EXO1: variants seen among roughly 807,000 people sequenced by gnomAD.
EXO1 encodes the protein exonuclease 1.
A neutral mutation model predicts 84.5 loss-of-function variants in EXO1; 69 were observed. The ratio of observed to expected loss-of-function variants is 0.82; its 90% CI spans 0.67 to 1.00. The LOEUF (loss-of-function observed/expected upper bound fraction) is 1.00, where lower values mean the gene tolerates loss of function less well. Among genes scored for constraint, EXO1 ranks in the 50% least tolerant of loss-of-function variants. The pLI is 0.00. For missense variants in EXO1, 1,045 were observed against 1,000.7 expected (o/e 1.04, Z -0.60); for synonymous variants, 373 against 366.1 (o/e 1.02, Z -0.21).
At chr1:241,864,685 CAA>C (rs934764408) in intron 10 of EXO1, among the ~76,000 whole-genome samples, 9 of 152,158 alleles carry the variant, frequency 5.9e-5, no homozygotes, top group African/African-American at 2.2e-4. Flanking sequence ...CTTCTGCAGA[CAA>C]AGTCTTTTAA....
In EXO1 at chr1:241,879,119, G is replaced by A. The variant is rs1394476144; in HGVS notation, c.1885G>A (p.Ala629Thr). The A allele has an allele frequency of 1.9e-6, 3 of 1,612,592 alleles. No individual in the cohort carries two copies. The South Asian group carries it at 3.3e-5, about 18-fold the overall frequency. ...AACGCCGAGCCCCTCTCCAAGCACA[G>A]CATTGCAGCAGTTCCGAAGAAAGAG... ...SRTPSPSPST[A>T]LQQFRRKSDS... The change falls in exon 13 of 16, where the codon GCA becomes ACA. Residue 629 changes from alanine to threonine, a missense_variant. Coordinates refer to ENST00000366548, the MANE Select transcript of EXO1 (RefSeq NM_130398.4).
At position 241,875,865 on chromosome 1, in the gene EXO1, G is replaced by A. The variant is rs145511086; in HGVS notation, c.1515-2884G>A. 2.4e-3 allele frequency among the ~76,000 whole-genome samples: 370 copies of A among 152,300 alleles called. 1 individual carries two copies. Among genetic ancestry groups the A allele is most frequent in the African/African-American group, 8.4e-3 (350 of 41,562 alleles). ...TGCACTCCAGCCTGGGTGACAAAGC[G>A]AGACTTCGTCTCAAAAAAAGAAAAA... On this transcript the variant is annotated intron_variant, in intron 12 of 15. Coordinates refer to ENST00000366548, the MANE Select transcript of EXO1 (RefSeq NM_130398.4).
In EXO1 at chr1:241,857,454, C is replaced by G; in HGVS notation, c.515C>G (p.Ser172Trp). The change falls in exon 7 of 16, where the codon TCG (serine) becomes TGG (tryptophan). Residue 172 changes from serine to tryptophan, a missense_variant. Transcript: ENST00000366548. ...GIVQAIITED[S>W]DLLAFGCKKV... ...GTGCAAGCCATAATTACAGAGGACTCGGATCTCCTAGCTTTTGGCTGTAAA... is the reference window on the plus strand; with the variant it reads ...GTGCAAGCCATAATTACAGAGGACTGGGATCTCCTAGCTTTTGGCTGTAAA... 2 of 1,613,856 alleles carry G rather than the reference C, an allele frequency of 1.2e-6. No individual in the cohort carries two copies. Among genetic ancestry groups the G allele is most frequent in the South Asian group, 1.1e-5 (1 of 91,072 alleles).
At chr1:241,855,690 C>G (rs927754113) in intron 6 of EXO1, among the ~76,000 whole-genome samples, 4 of 152,220 alleles carry the variant, frequency 2.6e-5, no homozygotes, top group Non-Finnish European at 4.4e-5. Context: ...GTGGGAGGCT[C>G]AGGCATGGCG....
At chr1:241,854,311 A>G (rs1660836587) in intron 6 of EXO1, among the ~76,000 whole-genome samples, 1 of 152,008 alleles carries the variant, frequency 6.6e-6, no homozygotes, top group African/African-American at 2.4e-5. Context: ...CTACTTTTGT[A>G]TTTTTAGTAG....
chr1:241,856,995 G>C (rs1661086180), intron 6 of EXO1, among the ~76,000 whole-genome samples: 1 of 152,198 alleles, frequency 6.6e-6, no homozygotes. Context: ...TGCCCTGCCG[G>C]CTGGCACCAC....
chr1:241,856,648 T>C (rs984640718), intron 6 of EXO1, among the ~76,000 whole-genome samples: 1 of 152,214 alleles, frequency 6.6e-6, no homozygotes, highest in Non-Finnish European at 1.5e-5. Flanking sequence ...GACAACCTGT[T>C]ATTTTTATGG....
intron 12 of EXO1, 119 bp from the exon 13 acceptor site, chr1:241,878,630 T>A (rs1662545790): frequency 1.5e-6 from 1 of 652,546 alleles, no homozygotes; most frequent in South Asian, 2.0e-5. Flanking sequence ...TATGAAATTA[T>A]ATATTTATGA....
At chr1:241,880,105 T>C (rs1251713862) in intron 13 of EXO1, among the ~76,000 whole-genome samples, 1 of 152,138 alleles carries the variant, frequency 6.6e-6, no homozygotes, top group African/African-American at 2.4e-5. Context: ...TATATTTTCA[T>C]TTACTCTTCT....
At chr1:241,884,265 T>C (rs1344676304) in intron 14 of EXO1, among the ~76,000 whole-genome samples, 1 of 152,198 alleles carries the variant, frequency 6.6e-6, no homozygotes, top group Non-Finnish European at 1.5e-5. Flanking sequence ...TCACAACACA[T>C]ATTTAAGGAT....
chr1:241,867,491 A>G (rs890372819), intron 11 of EXO1, among the ~76,000 whole-genome samples: 1 of 152,230 alleles, frequency 6.6e-6, no homozygotes. Context: ...ATACAATTCA[A>G]GATGAGATTT....
chr1:241,854,403 C>T (rs1279585107), intron 6 of EXO1, among the ~76,000 whole-genome samples: 2 of 152,132 alleles, frequency 1.3e-5, no homozygotes, highest in Non-Finnish European at 1.5e-5. Flanking sequence ...TCCCAAAGTG[C>T]TCGGATTACA....
At position 241,857,347 on chromosome 1, in the gene EXO1, T is replaced by C. The variant is rs376077603; in HGVS notation, c.408T>C (p.Ala136=). The change falls in exon 7 of 16, where the codon GCT becomes GCC. Residue 136 remains alanine, a splice_region_variant and synonymous_variant. Transcript: ENST00000366548. ...TTCACTGTGATTCTCTCTTCTAGGCTGCCCGGTCTCAGGGGGTAGATTGCC... is the reference window on the plus strand; with the variant it reads ...TTCACTGTGATTCTCTCTTCTAGGCCGCCCGGTCTCAGGGGGTAGATTGCC... The part of the protein sequence containing the change: ...THAMAHKVIK[A]ARSQGVDCLV... 25 of 1,612,904 alleles carry C rather than the reference T, an allele frequency of 1.6e-5. No homozygotes were observed. The highest frequency in any genetic ancestry group is 2.0e-5 in the Non-Finnish European group (24 of 1,179,426).
At chr1:241,849,824 G>A (rs1169787907) in intron 3 of EXO1, among the ~76,000 whole-genome samples, 1 of 152,188 alleles carries the variant, frequency 6.6e-6, no homozygotes, top group East Asian at 1.9e-4. Flanking sequence ...CATGTGTCAG[G>A]AGTGAAAGTG....
At chr1:241,878,577 C>A (rs1348092878) in intron 12 of EXO1, among the ~76,000 whole-genome samples, 172 bp from the exon 13 acceptor site, 2 of 151,344 alleles carry the variant, frequency 1.3e-5, no homozygotes, top group Non-Finnish European at 1.5e-5. Context: ...TTGGCATAAT[C>A]AAAATTTGAA....
chr1:241,874,455 G>T (rs1223191217), intron 12 of EXO1, among the ~76,000 whole-genome samples: 1 of 152,182 alleles, frequency 6.6e-6, no homozygotes, highest in African/African-American at 2.4e-5. Flanking sequence ...GGTGGTGTAT[G>T]ATTTGATCTC....
chr1:241,856,515 CGTGTGTGTGT>C (rs1661049548), intron 6 of EXO1, among the ~76,000 whole-genome samples: 2 of 151,620 alleles, frequency 1.3e-5, no homozygotes, highest in African/African-American at 4.8e-5. Context: ...TGTATATATA[CGTGTGTGTGT>C]ATATGTATAC....
chr1:241,885,874 A>G (rs1437666597), intron 15 of EXO1, among the ~76,000 whole-genome samples: 1 of 121,808 alleles, frequency 8.2e-6, no homozygotes, highest in Non-Finnish European at 1.7e-5. Flanking sequence ...TGTTTTTTTG[A>G]GAGAGTTTTG....
At chr1:241,882,114 C>T (rs1015699393) in intron 14 of EXO1, 97 bp downstream of exon 14, 12 of 665,506 alleles carry the variant, frequency 1.8e-5, no homozygotes, top group African/African-American at 1.5e-4. Context: ...ATCAAAATAC[C>T]TGTAGTCTCA....
Sources: gnomAD v4.1 joint callset for allele counts (sites outside exome capture counted in the v4.1 genomes callset) on GRCh38, gnomAD v4.1.1 for gene constraint, MANE v1.5 for transcripts, NCBI Gene and HGNC (gene_info 2026-07-23, HGNC 2026-07-21) for gene names.